The following CCDC18 variants were observed in gnomAD, a reference collection of about 807,000 sequenced individuals.
CCDC18 encodes coiled-coil domain containing 18, also known as coiled-coil domain-containing protein 18.
A neutral mutation model predicts 196.0 loss-of-function variants in CCDC18; 157 were observed. The observed-to-expected ratio is 0.80, with a 90% confidence interval of 0.70 to 0.91. CCDC18 has a LOEUF of 0.91. CCDC18 is among the 40% of genes least tolerant of loss of function. The probability of loss-of-function intolerance (pLI) is 0.00; values close to 1 mark genes in which losing one functional copy is unlikely to be tolerated. For missense variants in CCDC18, 1,465 were observed against 1,611.6 expected (o/e 0.91, Z 1.56); for synonymous variants, 482 against 529.2 (o/e 0.91, Z 1.22).
At chr1:93,185,151 T>G (rs1571321318) in intron 3 of CCDC18, among the ~76,000 whole-genome samples, 1 of 151,822 alleles carries the variant, frequency 6.6e-6, no homozygotes, top group African/African-American at 2.4e-5. Context: ...TAAGATAAAT[T>G]CAAAGTGAAA....
At chr1:93,255,190 A>G (rs910646132) in intron 24 of CCDC18, among the ~76,000 whole-genome samples, 1 of 151,972 alleles carries the variant, frequency 6.6e-6, no homozygotes, top group Non-Finnish European at 1.5e-5. Flanking sequence ...TGACCTTGTG[A>G]TCCACCTGCC....
At chr1:93,234,287 G>A (rs888553152) in intron 18 of CCDC18, among the ~76,000 whole-genome samples, 8 of 151,792 alleles carry the variant, frequency 5.3e-5, no homozygotes, top group Non-Finnish European at 1.2e-4. Context: ...TCAGCCTCCC[G>A]AGTAGCTGGG....
intron 18 of CCDC18, among the ~76,000 whole-genome samples, chr1:93,234,083 T>A (rs1242320294): frequency 6.6e-6 from 1 of 152,222 alleles, no homozygotes; most frequent in East Asian, 1.9e-4. Flanking sequence ...ATTATGATTC[T>A]TGTTCCTAAC....
intron 17 of CCDC18, among the ~76,000 whole-genome samples, chr1:93,231,313 A>G (rs1659202643): frequency 6.6e-6 from 1 of 152,178 alleles, no homozygotes; most frequent in African/African-American, 2.4e-5. Context: ...AAAACTTCTA[A>G]AGAACATTTA....
chr1:93,190,921 C>G, intron 4 of CCDC18: 1 of 771,848 alleles, frequency 1.3e-6, no homozygotes, highest in South Asian at 1.3e-5. Flanking sequence ...CCCACCATAA[C>G]CACTCTGCTT....
At chr1:93,235,336 A>G (rs565552748) in intron 18 of CCDC18, among the ~76,000 whole-genome samples, 1 of 152,340 alleles carries the variant, frequency 6.6e-6, no homozygotes, top group East Asian at 1.9e-4. Context: ...GATGTGATAC[A>G]TGGAAGCCAA....
chr1:93,244,174 CAA>C (rs1411726921), intron 21 of CCDC18, among the ~76,000 whole-genome samples: 1 of 152,170 alleles, frequency 6.6e-6, no homozygotes, highest in Non-Finnish European at 1.5e-5. Context: ...TGGTAGCAGA[CAA>C]GAGAACTTGT....
chr1:93,240,215 C>A (rs1443511676), intron 21 of CCDC18, among the ~76,000 whole-genome samples: 1 of 152,210 alleles, frequency 6.6e-6, no homozygotes, highest in Non-Finnish European at 1.5e-5. Flanking sequence ...TTATTTTATG[C>A]TAGGACTACG....
intron 7 of CCDC18, among the ~76,000 whole-genome samples, chr1:93,205,056 T>C (rs1654509912): frequency 6.6e-6 from 1 of 152,156 alleles, no homozygotes; most frequent in South Asian, 2.1e-4. Context: ...TAGGTGGATG[T>C]AACAGGGTAA....
At chr1:93,226,753 T>TGAACTCCTGGCCTC (rs1258517502) in intron 17 of CCDC18, among the ~76,000 whole-genome samples, 1 of 151,986 alleles carries the variant, frequency 6.6e-6, no homozygotes, top group Non-Finnish European at 1.5e-5. Context: ...AGGCTGGCCT[T>TGAACTCCTGGCCTC]GAACTCCTGG....
intron 6 of CCDC18, among the ~76,000 whole-genome samples, chr1:93,199,579 T>C (rs954339570): frequency 6.6e-6 from 1 of 152,206 alleles, no homozygotes; most frequent in Non-Finnish European, 1.5e-5. Flanking sequence ...GCCTGCAACG[T>C]AGTGAGCAGG....
intron 6 of CCDC18, among the ~76,000 whole-genome samples, chr1:93,198,353 A>G (rs957463037): frequency 6.6e-6 from 1 of 152,228 alleles, no homozygotes; most frequent in African/African-American, 2.4e-5. Context: ...AATGCTCAGC[A>G]GAAGAAGCCA....
chr1:93,275,048 T>C (rs1665554610), intron 28 of CCDC18, among the ~76,000 whole-genome samples: 1 of 152,186 alleles, frequency 6.6e-6, no homozygotes, highest in Non-Finnish European at 1.5e-5. Context: ...GACCACCTCA[T>C]AGTCATTTAT....
chr1:93,210,782 G>A lies in CCDC18; in HGVS notation c.1210-20G>A, dbSNP rs1265977243. The A allele has an allele frequency of 3.8e-6, 6 of 1,558,582 alleles. No individual in the cohort carries two copies. The highest frequency in any genetic ancestry group is 1.7e-4 in the Middle Eastern group (1 of 5,934). ...ATCTCATTTACATAAGTTTACATAT[G>A]TTTGTTTTTAAACTTGCAGTTAAAA... On this transcript the variant is annotated intron_variant, in intron 9 of 28. Transcript: ENST00000690025.
In CCDC18 at chr1:93,233,862, GC is replaced by G. The variant is rs546261361; in HGVS notation, c.2460+1270del. ...TCCACCCACTTGGGCCTCCCAAAGTGCTGGGATTACAGGCGTGAGCCACTGC... is the reference window on the plus strand; with the variant it reads ...TCCACCCACTTGGGCCTCCCAAAGTGTGGGATTACAGGCGTGAGCCACTGC... On this transcript the variant is annotated intron_variant, in intron 18 of 28. Transcript: ENST00000690025. 5.2e-4 allele frequency among the ~76,000 whole-genome samples: 79 copies of G among 152,294 alleles called. 2 individuals are homozygous for G. In the East Asian group the frequency reaches 0.012, roughly 23 times the overall value.
In CCDC18 at chr1:93,183,345, C is replaced by T; in HGVS notation, c.-2-15C>T. 3 of 1,500,270 alleles carry T rather than the reference C, an allele frequency of 2.0e-6. No homozygotes were observed. Among genetic ancestry groups the T allele is most frequent in the Non-Finnish European group, 2.7e-6 (3 of 1,109,674 alleles). 92.9% of individuals were successfully genotyped at this position (1,500,270 alleles called of 1,614,324 possible). On this transcript the variant is annotated splice_polypyrimidine_tract_variant and intron_variant, in intron 1 of 28. Coordinates refer to ENST00000690025, the MANE Select transcript of CCDC18 (RefSeq NM_001378204.1). Reference sequence around the variant, plus strand: ...TCTTTCAGACAAGGTACAAGAAATTCATTTTTTTTTTAAGAAATGGAATCT... The same window carrying T: ...TCTTTCAGACAAGGTACAAGAAATTTATTTTTTTTTTAAGAAATGGAATCT...
chr1:93,190,346 G>A (rs1399815725), intron 4 of CCDC18, among the ~76,000 whole-genome samples: 2 of 152,100 alleles, frequency 1.3e-5, no homozygotes, highest in Admixed American at 6.5e-5. Context: ...AAATTAGCTG[G>A]GCGTGGTGAT....
intron 1 of CCDC18, 155 bp downstream of exon 1, chr1:93,181,007 G>T: frequency 2.9e-6 from 2 of 680,338 alleles, no homozygotes; most frequent in South Asian, 3.0e-5. Context: ...GCTCTGAACG[G>T]TTGTATTTTA....
rs763441650 is a variant in CCDC18, at chr1:93,212,082, T to A, written c.1335-19T>A. 2.5e-6 allele frequency: 4 copies of A among 1,584,286 alleles called. No homozygotes were observed. On this transcript the variant is annotated intron_variant, in intron 10 of 28. Coordinates refer to ENST00000690025, the MANE Select transcript of CCDC18 (RefSeq NM_001378204.1). ...TAGAATCTTTCTAATAATTTTTCCC[T>A]TCTTTTCTTTTGTGCCAGAATTAAG...
Sources: gnomAD v4.1 joint callset for allele counts (sites outside exome capture counted in the v4.1 genomes callset) on GRCh38, gnomAD v4.1.1 for gene constraint, MANE v1.5 for transcripts, NCBI Gene and HGNC (gene_info 2026-07-23, HGNC 2026-07-21) for gene names.